Variants in PARVG observed in about 807,000 individuals in gnomAD.
The protein encoded by PARVG is parvin gamma, also known as gamma-parvin.
In PARVG, 36 loss-of-function variants were observed where a neutral mutation model predicts 44.4. The ratio of observed to expected loss-of-function variants is 0.81; its 90% CI spans 0.62 to 1.07. PARVG has a LOEUF of 1.07. Ranked by LOEUF, PARVG falls within the 50% of genes least tolerant of loss-of-function variation. PARVG has a pLI of 0.00. For synonymous variants in PARVG, 170 were observed against 174.1 expected, an observed-to-expected ratio of 0.98 and a Z score of 0.19; for missense variants, 407 against 407.4, an observed-to-expected ratio of 1.00 and a Z score of 0.01.
chr22:44,198,271 T>G (rs2147235572), intron 11 of PARVG, among the ~76,000 whole-genome samples: 1 of 152,354 alleles, frequency 6.6e-6, no homozygotes, highest in East Asian at 1.9e-4. Flanking sequence ...ATGAGCCTGG[T>G]GTGCTGCTCT....
In PARVG at chr22:44,201,322, C is replaced by T. The variant is rs1337566680; in HGVS notation, c.813+2600C>T. ...TGAGAGCGGGGCAGGGCTGCATCTC[C>T]ATTTTACAGAGGGGAGCCCAGGGCC... On this transcript the variant is annotated intron_variant, in intron 12 of 13. Coordinates refer to ENST00000444313, the MANE Select transcript of PARVG (RefSeq NM_022141.7). Among the ~76,000 whole-genome samples the T allele has an allele frequency of 2.6e-5, 4 of 152,196 alleles. No individual in the cohort carries two copies. In the South Asian group the frequency reaches 6.2e-4, roughly 24 times the overall value.
chr22:44,199,310 G>A (rs79614150), intron 12 of PARVG, among the ~76,000 whole-genome samples: 3,156 of 151,734 alleles, frequency 0.021, 31 homozygotes, highest in Middle Eastern at 0.048. Context: ...CTTGCCTACC[G>A]GTCCATTCAC....
At chr22:44,187,943 G>A in intron 5 of PARVG, 65 bp downstream of exon 5, 2 of 1,526,424 alleles carry the variant, frequency 1.3e-6, no homozygotes, top group Non-Finnish European at 1.8e-6. Flanking sequence ...CCCCTCCAGG[G>A]CCCACAGGTA....
intron 5 of PARVG, 71 bp from the exon 6 acceptor site, chr22:44,189,043 C>G: frequency 6.3e-7 from 1 of 1,598,478 alleles, no homozygotes. Context: ...GCTCAGCCTC[C>G]TGGAGGGTCC....
intron 12 of PARVG, among the ~76,000 whole-genome samples, chr22:44,198,973 T>TCCAC (rs2054665984): frequency 2.9e-5 from 1 of 34,626 alleles, no homozygotes; most frequent in Non-Finnish European, 1.1e-4. Context: ...CATCCATCCA[T>TCCAC]CCATCCATCC....
At chr22:44,180,332 C>T (rs763868189), upstream of PARVG, among the ~76,000 whole-genome samples, 4 of 152,192 alleles carry the variant, frequency 2.6e-5, no homozygotes, top group African/African-American at 4.8e-5. Flanking sequence ...GTTCCTTTAA[C>T]CCTGCCCCAG....
Position 44,190,615 on chromosome 22 carries a change from G to C in PARVG, c.453G>C (p.Gln151His), listed in dbSNP as rs2147227445. 1 of 1,614,166 alleles carries C rather than the reference G, an allele frequency of 6.2e-7. No homozygotes were observed. The highest frequency in any genetic ancestry group is 8.5e-7 in the Non-Finnish European group (1 of 1,180,034). Reference protein sequence around the residue: ...HLLVALAKRFQPDLSLPTNVQ... With the variant: ...HLLVALAKRFHPDLSLPTNVQ... ...TTGTGGCCCTGGCCAAGCGCTTCCAGCCCGACCTCTCCCTCCCAACCAACG... is the reference window on the plus strand; with the variant it reads ...TTGTGGCCCTGGCCAAGCGCTTCCACCCCGACCTCTCCCTCCCAACCAACG... The change falls in exon 7 of 14, where the codon CAG (glutamine) becomes CAC (histidine). Residue 151 changes from glutamine (Q) to histidine (H), a missense_variant. Coordinates refer to ENST00000444313, the MANE Select transcript of PARVG (RefSeq NM_022141.7).
intron 7 of PARVG, among the ~76,000 whole-genome samples, 195 bp from the exon 8 acceptor site, chr22:44,191,854 C>G (rs2054552847): frequency 1.3e-5 from 2 of 152,168 alleles, no homozygotes; most frequent in African/African-American, 4.8e-5. Context: ...TGCCCTCCTC[C>G]CACTGTGAGA....
chr22:44,201,812 G>A (rs1381424366), intron 12 of PARVG, among the ~76,000 whole-genome samples: 4 of 152,192 alleles, frequency 2.6e-5, no homozygotes, highest in Admixed American at 1.3e-4. Flanking sequence ...TGGGTGGCTC[G>A]GCTCTGTGCC....
At chr22:44,173,766 C>T (rs1222261617) in intron 1 of PARVG, among the ~76,000 whole-genome samples, 2 of 152,146 alleles carry the variant, frequency 1.3e-5, no homozygotes, top group Non-Finnish European at 2.9e-5. Context: ...GGATCTTTGG[C>T]AATGTCTGGA....
Position 44,195,280 on chromosome 22 carries a change from A to C in PARVG, c.584-875A>C, listed in dbSNP as rs147037909. Among the ~76,000 whole-genome samples, 814 of 152,286 alleles carry C rather than the reference A, an allele frequency of 5.3e-3. 6 individuals are homozygous for C. Among genetic ancestry groups the C allele is most frequent in the African/African-American group, 0.018 (766 of 41,542 alleles). On this transcript the variant is annotated intron_variant, in intron 9 of 13. Transcript: ENST00000444313. ...AGAGGGTGAAGAAAGGACACAGAGC[A>C]GGGGCATTTTAACGTGCATGATGCT...
rs2054792121 is a variant in PARVG, at chr22:44,207,176, A to G, written c.*750A>G. ...TGGGAGAATTGCACATAGTCAGTCC[A>G]GGGCATCCAGAGTGGGGCAGAGCTG... On this transcript the variant is annotated 3_prime_UTR_variant, in exon 14 of 14. Coordinates refer to ENST00000444313, the MANE Select transcript of PARVG (RefSeq NM_022141.7). 7.4e-6 allele frequency: 1 copy of G among 134,916 alleles called. No individual in the cohort carries two copies. Among genetic ancestry groups the G allele is most frequent in the African/African-American group, 2.8e-5 (1 of 35,140 alleles). 8.4% of individuals were successfully genotyped at this position (134,916 alleles called of 1,614,324 possible).
rs1173452289 is a variant in PARVG at position 44,206,338 on chromosome 22, A to G, written c.908A>G (p.Lys303Arg). ...GCAGATATCGTGAACAAGGATGCCA[A>G]GAGCACACTGAGGGTGCTCTATGGT... ...SPEDIVNKDA[K>R]STLRVLYGLF... is the part of the protein sequence containing the mutation. Residue 303 changes from lysine to arginine, a missense_variant, in exon 14 of 14, where the codon AAG becomes AGG. By Grantham distance (26) the Lys-to-Arg change is conservative. Transcript: ENST00000444313. 1 of 1,613,820 alleles carries G rather than the reference A, an allele frequency of 6.2e-7. No homozygotes were observed. Among genetic ancestry groups the G allele is most frequent in the South Asian group, 1.1e-5 (1 of 91,080 alleles).
intron 6 of PARVG, 105 bp downstream of exon 6, chr22:44,189,359 G>T (rs1463118038): frequency 2.0e-6 from 3 of 1,493,116 alleles, no homozygotes; most frequent in Non-Finnish European, 2.7e-6. Context: ...CCTTCTCCCA[G>T]CAGGGGTACA....
In PARVG at chr22:44,207,924, A is replaced by G. The variant is rs2054801485; in HGVS notation, c.*1498A>G. On this transcript the variant is annotated 3_prime_UTR_variant, in exon 14 of 14. Transcript: ENST00000444313. The stretch of plus-strand genomic sequence containing the variant: ...TCCCGGCTGCCTCTGGGAAACGTGC[A>G]TCCTCCCACACCAGGTACCTGGAGC... The G allele has an allele frequency of 6.6e-6, 1 of 152,410 alleles. No homozygotes were observed. The highest frequency in any genetic ancestry group is 1.5e-5 in the Non-Finnish European group (1 of 68,238). 9.4% of individuals were successfully genotyped at this position (152,410 alleles called of 1,614,324 possible).
chr22:44,194,891 A>G (rs868344873), intron 9 of PARVG, among the ~76,000 whole-genome samples: 1 of 152,090 alleles, frequency 6.6e-6, no homozygotes, highest in African/African-American at 2.4e-5. Context: ...CCATTCATCT[A>G]TCCACCTACC....
At position 44,173,534 on chromosome 22, in the gene PARVG, C is replaced by G. The variant is rs7292425; in HGVS notation, c.-189+343C>G. Among the ~76,000 whole-genome samples, 3 of 138,584 alleles carry G rather than the reference C, an allele frequency of 2.2e-5. No individual in the cohort carries two copies. The South Asian group carries it at 6.4e-4, about 29-fold the overall frequency. The allele number at this position is 138,584 out of a possible 152,430, so 90.9% of individuals were successfully genotyped here. ...GGTAGCCTGGAGAGAAAGGCAACCACGCTATTAAAAAAAAATAAGCTAAAA... is the reference window on the plus strand; with the variant it reads ...GGTAGCCTGGAGAGAAAGGCAACCAGGCTATTAAAAAAAAATAAGCTAAAA... On this transcript the variant is annotated intron_variant, in intron 1 of 13. Transcript: ENST00000422871.
chr22:44,205,732 A>G (rs370237675), intron 12 of PARVG, 25 bp from the exon 13 acceptor site: 2 of 1,613,122 alleles, frequency 1.2e-6, no homozygotes, highest in Non-Finnish European at 1.7e-6. Flanking sequence ...TTGTGCCCAC[A>G]TCTGATAGGG....
At chr22:44,174,413 T>C (rs1431234663) in intron 1 of PARVG, among the ~76,000 whole-genome samples, 3 of 151,952 alleles carry the variant, frequency 2.0e-5, no homozygotes, top group African/African-American at 4.8e-5. Context: ...TAAAAATTGG[T>C]TTTGGGCTGA....
Sources: gnomAD v4.1 joint callset for allele counts (sites outside exome capture counted in the v4.1 genomes callset) on GRCh38, gnomAD v4.1.1 for gene constraint, MANE v1.5 for transcripts, NCBI Gene and HGNC (gene_info 2026-07-23, HGNC 2026-07-21) for gene names.